The following STIM1 variants were observed in gnomAD, a reference collection of about 807,000 sequenced individuals.
STIM1 encodes stromal interaction molecule 1.
In STIM1, 25 loss-of-function variants were observed where a neutral mutation model predicts 74.7. That is an observed-to-expected ratio of 0.33 (90% CI 0.24 to 0.47). The LOEUF (loss-of-function observed/expected upper bound fraction) is 0.47, where lower values mean the gene tolerates loss of function less well. Ranked by LOEUF, STIM1 falls within the 20% of genes least tolerant of loss-of-function variation. The pLI is 1.00. For missense variants in STIM1, 728 were observed against 920.8 expected (o/e 0.79, Z 2.71); for synonymous variants, 328 against 348.8 (o/e 0.94, Z 0.66).
intron 1 of STIM1, among the ~76,000 whole-genome samples, chr11:3,967,212 G>A (rs1254660426): frequency 6.6e-6 from 1 of 152,128 alleles, no homozygotes; most frequent in East Asian, 1.9e-4. Context: ...TACTAATGAG[G>A]CCAAATTTTT....
chr11:4,005,831 C>G (rs2093774431), intron 2 of STIM1, among the ~76,000 whole-genome samples: 1 of 152,132 alleles, frequency 6.6e-6, no homozygotes, highest in Non-Finnish European at 1.5e-5. Context: ...TGCTGTATCC[C>G]TGCCTTGAGC....
At chr11:4,023,410 A>G (rs1461807593) in intron 2 of STIM1, among the ~76,000 whole-genome samples, 1 of 152,208 alleles carries the variant, frequency 6.6e-6, no homozygotes, top group East Asian at 1.9e-4. Flanking sequence ...TTTGGGGCAA[A>G]TGGCATTATC....
chr11:4,052,060 C>G (rs984950943), intron 3 of STIM1, among the ~76,000 whole-genome samples: 21 of 152,098 alleles, frequency 1.4e-4, no homozygotes, highest in African/African-American at 4.1e-4. Context: ...GGATGTGAAG[C>G]ACCTCTTCAA....
Position 4,092,992 on chromosome 11 carries a change from T to A in STIM1, c.*1194T>A, listed in dbSNP as rs982856703. On this transcript the variant is annotated 3_prime_UTR_variant, in exon 13 of 13. Transcript: ENST00000526596. ...AACTCTCTCCCTTACCTGTTTTTGCTATGGCTGTAAAGGTATTTTTCCTCT... is the reference window on the plus strand; with the variant it reads ...AACTCTCTCCCTTACCTGTTTTTGCAATGGCTGTAAAGGTATTTTTCCTCT... 18 of 146,622 alleles carry A rather than the reference T, an allele frequency of 1.2e-4. No individual in the cohort carries two copies. Among genetic ancestry groups the A allele is most frequent in the Admixed American group, 1.2e-3 (18 of 14,708 alleles). The allele number at this position is 146,622 out of a possible 1,614,324, so 9.1% of individuals were successfully genotyped here. A position where few individuals can be genotyped will look rare whatever the true frequency, so the allele number is the denominator to read the frequency against.
chr11:3,972,875 A>G (rs990977965), intron 2 of STIM1: 29 of 488,880 alleles, frequency 5.9e-5, no homozygotes, highest in Non-Finnish European at 1.0e-4. Flanking sequence ...TGGCCAGTAT[A>G]GAATCCAGAG....
chr11:3,898,877 C>A (rs1170135926), intron 1 of STIM1, among the ~76,000 whole-genome samples: 3 of 151,388 alleles, frequency 2.0e-5, no homozygotes, highest in Non-Finnish European at 4.4e-5. Context: ...TGATCTATAT[C>A]TCTGTTTTGG....
intron 1 of STIM1, among the ~76,000 whole-genome samples, chr11:3,901,356 T>TA (rs1339688715): frequency 6.6e-6 from 1 of 152,218 alleles, no homozygotes; most frequent in Non-Finnish European, 1.5e-5. Flanking sequence ...AATCTTTTTT[T>TA]ATCCTCAAAA....
At chr11:4,037,800 T>A (rs1362418277) in intron 3 of STIM1, among the ~76,000 whole-genome samples, 2 of 152,158 alleles carry the variant, frequency 1.3e-5, no homozygotes, top group African/African-American at 4.8e-5. Context: ...ATTAATCAAA[T>A]ATGATTGATA....
chr11:4,053,772 A>G (rs1230760396), intron 3 of STIM1, among the ~76,000 whole-genome samples: 1 of 152,038 alleles, frequency 6.6e-6, no homozygotes, highest in Non-Finnish European at 1.5e-5. Context: ...GCGACCAAAT[A>G]GAAAAAAAAA....
At chr11:4,088,622 C>A in intron 12 of STIM1, 1 of 1,315,502 alleles carries the variant, frequency 7.6e-7, no homozygotes, top group Non-Finnish European at 1.1e-6. Flanking sequence ...AAGCTGAGGG[C>A]AGTGGGGAGG....
At chr11:4,067,579 G>A (rs994399968) in intron 5 of STIM1, among the ~76,000 whole-genome samples, 1 of 152,236 alleles carries the variant, frequency 6.6e-6, no homozygotes, top group African/African-American at 2.4e-5. Context: ...AAAGTGTGGT[G>A]TAGCAGAAAG....
At chr11:4,036,100 T>C (rs2094099465) in intron 3 of STIM1, among the ~76,000 whole-genome samples, 1 of 152,222 alleles carries the variant, frequency 6.6e-6, no homozygotes, top group Non-Finnish European at 1.5e-5. Flanking sequence ...AGTGAGAACA[T>C]GCACTGTTTG....
chr11:4,068,095 A>T (rs1252087326), intron 5 of STIM1, among the ~76,000 whole-genome samples: 3 of 152,210 alleles, frequency 2.0e-5, no homozygotes, highest in Non-Finnish European at 4.4e-5. Flanking sequence ...AGTTGAAGGA[A>T]TCCAGTGGTA....
chr11:3,989,967 T>G (rs889977758), intron 2 of STIM1, among the ~76,000 whole-genome samples: 1 of 152,246 alleles, frequency 6.6e-6, no homozygotes, highest in Non-Finnish European at 1.5e-5. Flanking sequence ...TATTCACAGA[T>G]ATGTGCAACC....
chr11:4,025,014 C>T (rs2093987563), intron 3 of STIM1, among the ~76,000 whole-genome samples: 1 of 152,004 alleles, frequency 6.6e-6, no homozygotes, highest in Non-Finnish European at 1.5e-5. Flanking sequence ...CATCAGGATC[C>T]CTGGTTTTTA....
intron 1 of STIM1, among the ~76,000 whole-genome samples, chr11:3,966,029 C>CA (rs967375034): frequency 1.3e-5 from 2 of 150,058 alleles, no homozygotes; most frequent in African/African-American, 5.0e-5. Context: ...AACAAACAAA[C>CA]AAAAAACCAA....
At chr11:4,036,539 A>C (rs1229579657) in intron 3 of STIM1, among the ~76,000 whole-genome samples, 1 of 152,122 alleles carries the variant, frequency 6.6e-6, no homozygotes, top group East Asian at 1.9e-4. Context: ...CTTTTTAGTA[A>C]TTGCCATTCT....
At chr11:3,959,265 A>G (rs1479665267) in intron 1 of STIM1, among the ~76,000 whole-genome samples, 1 of 152,186 alleles carries the variant, frequency 6.6e-6, no homozygotes, top group Non-Finnish European at 1.5e-5. Context: ...GCAATTTCCA[A>G]TTCGTCCTAT....
At chr11:4,064,711 C>A (rs1267969864) in intron 5 of STIM1, among the ~76,000 whole-genome samples, 1 of 152,184 alleles carries the variant, frequency 6.6e-6, no homozygotes, top group Non-Finnish European at 1.5e-5. Context: ...ATCAGACTGG[C>A]TCAGCAGAGG....
Sources: gnomAD v4.1 joint callset for allele counts (sites outside exome capture counted in the v4.1 genomes callset) on GRCh38, gnomAD v4.1.1 for gene constraint, MANE v1.5 for transcripts, NCBI Gene and HGNC (gene_info 2026-07-23, HGNC 2026-07-21) for gene names.